Variants in ABCA2 observed in about 807,000 individuals in gnomAD.
ABCA2 encodes ATP-binding cassette sub-family A member 2.
Under a neutral mutation model 262.8 loss-of-function variants are expected in ABCA2, and 84 were observed. That is an observed-to-expected ratio of 0.32 (90% CI 0.27 to 0.38). The LOEUF is 0.38. ABCA2 is among the 10% of genes least tolerant of loss of function. The pLI, the probability that ABCA2 is intolerant of heterozygous loss-of-function variation, is 1.00. For missense variants in ABCA2, 2,662 were observed against 3,405.9 expected (o/e 0.78, Z 5.44); for synonymous variants, 1,696 against 1,502.9 (o/e 1.13, Z -2.97).
chr9:137,022,123 G>T (rs141427199), intron 6 of ABCA2, 122 bp from the exon 7 acceptor site: 13,415 of 603,978 alleles, frequency 0.022, 451 homozygotes, highest in Admixed American at 0.065. Context: ...CTCAGAGAGT[G>T]GGGGCGTGGC....
At chr9:137,027,540 CG>C (rs1219024554) in intron 1 of ABCA2, 1 of 152,600 alleles carries the variant, frequency 6.6e-6, no homozygotes, top group Non-Finnish European at 1.5e-5. Flanking sequence ...GCAAGGGTCA[CG>C]GATGTGCCAG....
rs1466848285 is a variant in ABCA2 at position 137,012,542 on chromosome 9, T to C, written c.5130A>G (p.Ser1710=). Residue 1710 remains serine, a synonymous_variant, in exon 32 of 49, where the codon TCA becomes TCG. Coordinates refer to ENST00000341511, the MANE Select transcript of ABCA2 (RefSeq NM_001606.5). The stretch of plus-strand genomic sequence containing the variant: ...CCATGGGTGGGGCCCTGGTGCCAAA[T>C]GAGGCTGGGATGGACTTCAGGACGT... ...FGNVLKSIPA[S]FGTRAPPMVR... The C allele has an allele frequency of 1.9e-6, 3 of 1,611,880 alleles. No individual in the cohort carries two copies. Among genetic ancestry groups the C allele is most frequent in the Admixed American group, 1.7e-5 (1 of 60,002 alleles).
chr9:137,017,946 C>T lies in ABCA2; in HGVS notation c.2096+27G>A, dbSNP rs760606726. The T allele has an allele frequency of 6.8e-6, 11 of 1,612,246 alleles. No individual in the cohort carries two copies. The South Asian group carries it at 1.1e-4, about 16-fold the overall frequency. On this transcript the variant is annotated intron_variant, in intron 15 of 48. Coordinates refer to ENST00000341511, the MANE Select transcript of ABCA2 (RefSeq NM_001606.5). The stretch of plus-strand genomic sequence containing the variant: ...AGGCGCCACTCAGCCCCAGCCCCAG[C>T]CCCAGCCCCGGGCGCCCAGCACTCA...
chr9:137,009,286 G>A (rs1830947714), intron 45 of ABCA2, 84 bp downstream of exon 45: 2 of 1,172,416 alleles, frequency 1.7e-6, no homozygotes, highest in South Asian at 3.0e-5. Context: ...TCACAGCCCT[G>A]CAGCCACCCC....
In ABCA2 at chr9:137,015,090, C is replaced by A; in HGVS notation, c.3705G>T (p.Gly1235=). 6.3e-7 allele frequency: 1 copy of A among 1,585,922 alleles called. No individual in the cohort carries two copies. The highest frequency in any genetic ancestry group is 1.1e-5 in the South Asian group (1 of 87,350). ...PAEPGGPQEP[G]LASSPPGRAP... ...CCCGACCTGGGGGGCTGGATGCCAG[C>A]CCTGGCTCTGTGGGGGACGTGGGAG... Residue 1235 remains glycine, a synonymous_variant, in exon 25 of 49, where the codon GGG becomes GGT. Transcript: ENST00000341511.
At position 137,021,565 on chromosome 9, in the gene ABCA2, G is replaced by T; in HGVS notation, c.724C>A (p.Pro242Thr). The T allele has an allele frequency of 3.2e-6, 5 of 1,576,978 alleles. No homozygotes were observed. In the South Asian group the frequency reaches 5.8e-5, roughly 18 times the overall value. Residue 242 changes from proline to threonine, a missense_variant, in exon 8 of 49, where the codon CCG (proline) becomes ACG (threonine). Pro to Thr is a conservative substitution (Grantham distance 38). Transcript: ENST00000341511. This position sits in a 1 kb window ranked among gnomAD's most constrained non-coding sequence, Gnocchi z 6.0. ...ATCCGGCCCAGCTCCCCCGAGCCCG[G>T]CGTGCAGGTGAGCTGCTCCAGGAGG... The part of the protein sequence containing the change: ...PALLEQLTCT[P>T]GSGELGRILT...
chr9:137,012,898 G>C lies in ABCA2; in HGVS notation c.4895C>G (p.Pro1632Arg), dbSNP rs375676757. The change falls in exon 31 of 49, where the codon CCG becomes CGG. Residue 1632 changes from proline to arginine, a missense_variant. By Grantham distance (103) the Pro-to-Arg change is moderately radical. This residue lies in a region of ABCA2 where 192 missense variants were observed against 207.2 expected (regional missense o/e 0.93). Transcript: ENST00000341511. ...GCGGACGGGCTCCCGTACCAGGCGCGGCAGGGAGGGTGCCGACGTCCACAT... is the reference window on the plus strand; with the variant it reads ...GCGGACGGGCTCCCGTACCAGGCGCCGCAGGGAGGGTGCCGACGTCCACAT... ...PEMWTSAPSL[P>R]RLVREPVRCT... 2 of 1,552,464 alleles carry C rather than the reference G, an allele frequency of 1.3e-6. No homozygotes were observed. The highest frequency in any genetic ancestry group is 1.7e-6 in the Non-Finnish European group (2 of 1,147,920).
chr9:137,007,696 C>T lies in ABCA2; in HGVS notation c.*233G>A. 4.9e-6 allele frequency: 3 copies of T among 616,918 alleles called. No individual in the cohort carries two copies. The South Asian group carries it at 5.7e-5, about 12-fold the overall frequency. 38.2% of individuals were successfully genotyped at this position (616,918 alleles called of 1,614,324 possible). A position where few individuals can be genotyped will look rare whatever the true frequency, so the allele number is the denominator to read the frequency against. On this transcript the variant is annotated 3_prime_UTR_variant, in exon 49 of 49. Coordinates refer to ENST00000341511, the MANE Select transcript of ABCA2 (RefSeq NM_001606.5). ...CCCGAGGCTTTAAGGCAAAGCAGGG[C>T]AAGGGTGTACGCAGCCCGGGCCGGG... is the stretch of plus-strand genomic sequence containing the variant.
chr9:137,009,218 C>A, intron 45 of ABCA2, 152 bp downstream of exon 45: 1 of 713,190 alleles, frequency 1.4e-6, no homozygotes, highest in South Asian at 1.7e-5. Flanking sequence ...CCTCCCCTGG[C>A]CCCACTGCCC....
In ABCA2 at chr9:137,019,314, G is replaced by A. The variant is rs563219144; in HGVS notation, c.1426-8C>T. The A allele has an allele frequency of 1.7e-5, 28 of 1,612,086 alleles. No homozygotes were observed. Among genetic ancestry groups the A allele is most frequent in the Admixed American group, 3.3e-5 (2 of 59,930 alleles). On this transcript the variant is annotated splice_polypyrimidine_tract_variant and splice_region_variant and intron_variant, in intron 10 of 48. Coordinates refer to ENST00000341511, the MANE Select transcript of ABCA2 (RefSeq NM_001606.5). This position sits in a 1 kb window ranked among gnomAD's most constrained non-coding sequence, Gnocchi z 4.4. Reference sequence around the variant, plus strand: ...AGCAAAAGTCTCGTTGGCCTGCAGGGGGTGAGGCAGGGGCATGGAGTTTCT... The same window carrying A: ...AGCAAAAGTCTCGTTGGCCTGCAGGAGGTGAGGCAGGGGCATGGAGTTTCT...
At chr9:137,024,060 C>T (rs994194609) in intron 2 of ABCA2, 83 bp downstream of exon 2, 26 of 1,521,388 alleles carry the variant, frequency 1.7e-5, no homozygotes, top group Non-Finnish European at 2.1e-5. Context: ...GCAGGACACC[C>T]GTGTGCAGAT....
chr9:137,023,718 C>A, intron 3 of ABCA2, 120 bp downstream of exon 3: 1 of 704,246 alleles, frequency 1.4e-6, no homozygotes, highest in Non-Finnish European at 2.6e-6. Flanking sequence ...GTTCCTGAGG[C>A]CGGCAGGGGG....
rs1588526236 is a variant in ABCA2, at chr9:137,022,032, G to T, written c.568-31C>A. 2 of 1,352,812 alleles carry T rather than the reference G, an allele frequency of 1.5e-6. 1 individual carries two copies. The highest frequency in any genetic ancestry group is 3.1e-5 in the African/African-American group (2 of 65,038). The allele number at this position is 1,352,812 out of a possible 1,614,324, so 83.8% of individuals were successfully genotyped here. A position where few individuals can be genotyped will look rare whatever the true frequency, so the allele number is the denominator to read the frequency against. On this transcript the variant is annotated intron_variant, in intron 6 of 48. Transcript: ENST00000341511. Reference sequence around the variant, plus strand: ...AGGTGTGGGGGAATGGCTCAGATGGGGTGTGGGGGGCGTGGCTCAGATGGT... The same window carrying T: ...AGGTGTGGGGGAATGGCTCAGATGGTGTGTGGGGGGCGTGGCTCAGATGGT...
In ABCA2 at chr9:137,028,219, C is replaced by A. The variant is rs1034839029; in HGVS notation, c.-79G>T. 3.1e-6 allele frequency: 3 copies of A among 978,946 alleles called. No individual in the cohort carries two copies. The highest frequency in any genetic ancestry group is 3.6e-6 in the Non-Finnish European group (3 of 827,188). The allele number at this position is 978,946 out of a possible 1,614,324, so 60.6% of individuals were successfully genotyped here. Reference sequence around the variant, plus strand: ...CGCCGGGCCCCGCAGCCCGCCGCGCCGCTGGGCATCGCCCGCGCGGGGGCG... The same window carrying A: ...CGCCGGGCCCCGCAGCCCGCCGCGCAGCTGGGCATCGCCCGCGCGGGGGCG... On this transcript the variant is annotated 5_prime_UTR_variant, in exon 1 of 49. Coordinates refer to ENST00000341511, the MANE Select transcript of ABCA2 (RefSeq NM_001606.5). The surrounding 1 kb of genome is among the most constrained non-coding windows in gnomAD (Gnocchi z 6.9).
At chr9:137,018,153 C>T in intron 14 of ABCA2, 25 bp downstream of exon 14, 1 of 1,610,510 alleles carries the variant, frequency 6.2e-7, no homozygotes, top group South Asian at 1.1e-5. Context: ...AATCCTCCAG[C>T]CGGTCTTCCG....
In ABCA2 at chr9:137,010,233, C is replaced by T; in HGVS notation, c.6313G>A (p.Glu2105Lys). 1 of 1,604,614 alleles carries T rather than the reference C, an allele frequency of 6.2e-7. No homozygotes were observed. Among genetic ancestry groups the T allele is most frequent in the Non-Finnish European group, 8.5e-7 (1 of 1,177,414 alleles). ...AAGGCCTCGCCCCCCGTCGTGCTCT[C>T]GTCGCCGGTCAGCATCTTGAAGGTG... ...TSTFKMLTGDESTTGGEAFVN... is the reference protein window; with the variant it reads ...TSTFKMLTGDKSTTGGEAFVN... Residue 2105 changes from glutamate (E) to lysine (K), a missense_variant, in exon 41 of 49, where the codon GAG (glutamate) becomes AAG (lysine). Glu to Lys is a moderately conservative substitution (Grantham distance 56, BLOSUM62 1). Transcript: ENST00000341511.
chr9:137,024,784 G>A (rs1831593864), intron 1 of ABCA2, among the ~76,000 whole-genome samples: 1 of 151,086 alleles, frequency 6.6e-6, no homozygotes, highest in African/African-American at 2.4e-5. Flanking sequence ...CCCAGTCCCT[G>A]AAGCAAAGGC....
chr9:137,024,621 G>T (rs999108460), intron 1 of ABCA2, among the ~76,000 whole-genome samples: 12 of 152,104 alleles, frequency 7.9e-5, no homozygotes, highest in Non-Finnish European at 1.5e-4. Context: ...CACTAGCCCC[G>T]CCTACACTTC....
At chr9:137,017,743 T>G (rs775320020) in intron 16 of ABCA2, 44 bp downstream of exon 16, 1 of 1,608,588 alleles carries the variant, frequency 6.2e-7, no homozygotes, top group South Asian at 1.1e-5. Flanking sequence ...ACGCCGCCCC[T>G]CCCTGCCAGC....
Sources: allele counts gnomAD v4.1 joint callset (sites outside exome capture counted in the v4.1 genomes callset), GRCh38; gene constraint gnomAD v4.1.1; regional missense constraint gnomAD v4.1.1; non-coding constraint Gnocchi (gnomAD v3.1); transcripts MANE v1.5; gene names NCBI Gene and HGNC (gene_info 2026-07-23, HGNC 2026-07-21).